JAK1: variants seen among roughly 807,000 people sequenced by gnomAD.
The protein encoded by JAK1 is tyrosine-protein kinase JAK1.
Under a neutral mutation model 136.6 loss-of-function variants are expected in JAK1, and 16 were observed. That is an observed-to-expected ratio of 0.12 (90% CI 0.08 to 0.18). The LOEUF is 0.18. Ranked by LOEUF, JAK1 falls within the 10% of genes least tolerant of loss-of-function variation. The pLI is 1.00. For synonymous variants in JAK1, 492 were observed against 519.5 expected (o/e 0.95, Z 0.72); for missense variants, 859 against 1,450.1 (o/e 0.59, Z 6.62).
chr1:64,843,919 G>T, intron 17 of JAK1, 145 bp downstream of exon 17: 2 of 807,112 alleles, frequency 2.5e-6, no homozygotes, highest in Non-Finnish European at 3.9e-6. Context: ...TTACATTTGT[G>T]AGGTCACACA....
chr1:64,928,847 ATATAT>A (rs1645639438), intron 1 of JAK1, among the ~76,000 whole-genome samples: 1 of 146,646 alleles, frequency 6.8e-6, no homozygotes, highest in African/African-American at 2.5e-5. Flanking sequence ...TTTTAAGGTA[ATATAT>A]TAATGATTTT....
At position 64,880,688 on chromosome 1, in the gene JAK1, G is replaced by A. The variant is rs542037712; in HGVS notation, c.206-1540C>T. ...AGACTCTAAATTTATTATCTTGGCC[G>A]GGCAAAGTGGCTCAGGCCTATAATA... On this transcript the variant is annotated intron_variant, in intron 3 of 24. Coordinates refer to ENST00000342505, the MANE Select transcript of JAK1 (RefSeq NM_002227.4). Among the ~76,000 whole-genome samples the A allele has an allele frequency of 4.9e-4, 74 of 152,228 alleles. 1 individual carries two copies. The highest frequency in any genetic ancestry group is 1.7e-3 in the African/African-American group (69 of 41,530).
chr1:65,033,669 C>T lies in JAK1; in HGVS notation c.-78+10811G>A, dbSNP rs1345602074. Among the ~76,000 whole-genome samples, 3 of 148,044 alleles carry T rather than the reference C, an allele frequency of 2.0e-5. No homozygotes were observed. The South Asian group carries it at 6.4e-4, about 32-fold the overall frequency. On this transcript the variant is annotated intron_variant, in intron 2 of 25. Transcript: ENST00000671954. Reference sequence around the variant, plus strand: ...TTGGGAGGCCGAGGCAGGAGGACTGCTTGAGGCCAGGAGTTTGAGATCAGC... The same window carrying T: ...TTGGGAGGCCGAGGCAGGAGGACTGTTTGAGGCCAGGAGTTTGAGATCAGC...
At chr1:64,906,186 T>C (rs367795303) in intron 1 of JAK1, among the ~76,000 whole-genome samples, 2 of 151,976 alleles carry the variant, frequency 1.3e-5, no homozygotes, top group East Asian at 3.9e-4. Flanking sequence ...CCCAGTTACT[T>C]GGGAGGCTGA....
At position 64,913,686 on chromosome 1, in the gene JAK1, A is replaced by AGGAAGGAAGGAAGGAG. The variant is rs1557686619; in HGVS notation, c.-77-27346_-77-27345insCTCCTTCCTTCCTTCC. 4.9e-3 allele frequency among the ~76,000 whole-genome samples: 143 copies of AGGAAGGAAGGAAGGAG among 28,910 alleles called. 2 individuals carry two copies. The highest frequency in any genetic ancestry group is 0.014 in the African/African-American group (132 of 9,554). The allele number at this position is 28,910 out of a possible 152,430, so 19.0% of individuals were successfully genotyped here. A position where few individuals can be genotyped will look rare whatever the true frequency, so the allele number is the denominator to read the frequency against. ...AAGGAAGGAAGGAAGGAAGGAAGGA[A>AGGAAGGAAGGAAGGAG]GGAAGGAAGGAAGGAAAGAAGGGAG... On this transcript the variant is annotated intron_variant, in intron 1 of 24. Coordinates refer to ENST00000342505, the MANE Select transcript of JAK1 (RefSeq NM_002227.4).
At chr1:64,919,169 C>A (rs1156952297) in intron 1 of JAK1, among the ~76,000 whole-genome samples, 5 of 152,122 alleles carry the variant, frequency 3.3e-5, no homozygotes, top group Non-Finnish European at 5.9e-5. Context: ...CTCCCCACTT[C>A]CCCCACCCCA....
At chr1:64,866,214 G>C (rs2780886) in intron 7 of JAK1, among the ~76,000 whole-genome samples, 4 of 152,002 alleles carry the variant, frequency 2.6e-5, no homozygotes, top group Admixed American at 2.6e-4. Flanking sequence ...ATTTAACAGA[G>C]GAGTAATTTT....
intron 1 of JAK1, among the ~76,000 whole-genome samples, chr1:64,912,718 A>T (rs1450890521): frequency 6.6e-6 from 1 of 152,216 alleles, no homozygotes; most frequent in East Asian, 1.9e-4. Flanking sequence ...GCGGCAGAAC[A>T]ACAAAAAAAG....
intron 2 of JAK1, among the ~76,000 whole-genome samples, chr1:64,995,945 T>G (rs1248345968): frequency 6.6e-6 from 1 of 152,116 alleles, no homozygotes; most frequent in Non-Finnish European, 1.5e-5. Context: ...TGCCATATTG[T>G]CTAGGCTGGC....
chr1:64,918,236 C>CT (rs1645433373), intron 1 of JAK1, among the ~76,000 whole-genome samples: 1 of 152,196 alleles, frequency 6.6e-6, no homozygotes, highest in Admixed American at 6.5e-5. Context: ...TTTTCTCTAA[C>CT]TATACACATA....
intron 7 of JAK1, among the ~76,000 whole-genome samples, chr1:64,866,622 C>T (rs1488397902): frequency 6.6e-6 from 1 of 152,174 alleles, no homozygotes; most frequent in Admixed American, 6.5e-5. Context: ...CAGGAACTAT[C>T]TGCTATTATT....
At chr1:64,861,769 C>G (rs751650603) in intron 8 of JAK1, among the ~76,000 whole-genome samples, 1 of 152,002 alleles carries the variant, frequency 6.6e-6, no homozygotes, top group African/African-American at 2.4e-5. Flanking sequence ...AGGAAGGAGG[C>G]CTGGAGAGGG....
chr1:64,842,515 G>A (rs1342465771), intron 17 of JAK1, among the ~76,000 whole-genome samples: 2 of 152,160 alleles, frequency 1.3e-5, no homozygotes, highest in African/African-American at 4.8e-5. Flanking sequence ...TGGAATTAAG[G>A]AGCTGAGAAT....
In JAK1 at chr1:64,973,332, AGGGAG is replaced by A. The variant is rs1219957162; in HGVS notation, c.-78+71143_-78+71147del. On this transcript the variant is annotated intron_variant, in intron 2 of 25. Coordinates refer to the JAK1 transcript ENST00000671954. ...GAGAAAGGAAGGAAGGGAGGGAAGG[AGGGAG>A]GGGAGGGGAAGGGAAGGGAAAGGAA... Among the ~76,000 whole-genome samples, 6 of 129,468 alleles carry A rather than the reference AGGGAG, an allele frequency of 4.6e-5. No individual in the cohort carries two copies. In the East Asian group the frequency reaches 1.6e-3, roughly 35 times the overall value. The allele number at this position is 129,468 out of a possible 152,430, so 84.9% of individuals were successfully genotyped here. A position where few individuals can be genotyped will look rare whatever the true frequency, so the allele number is the denominator to read the frequency against.
chr1:64,956,788 T>C (rs1569725862), intron 1 of JAK1, among the ~76,000 whole-genome samples: 1 of 152,072 alleles, frequency 6.6e-6, no homozygotes, highest in Admixed American at 6.6e-5. Context: ...CAGGCAAAAG[T>C]GGGTCATCTG....
At position 64,845,588 on chromosome 1, in the gene JAK1, G is replaced by A. The variant is rs778316356; in HGVS notation, c.2040C>T (p.His680=). ...GTGTGGTAAGGACATCGCTTTTCCG[G>A]TGCATGAAGAGATCCAGAGGACCCC... ...VEGGPLDLFM[H]RKSDVLTTPW... The change falls in exon 15 of 25, where the codon CAC becomes CAT. Residue 680 remains histidine (H), a synonymous_variant. Transcript: ENST00000342505. 3.5e-5 allele frequency: 56 copies of A among 1,613,990 alleles called. No homozygotes were observed. Among genetic ancestry groups the A allele is most frequent in the Non-Finnish European group, 4.2e-5 (50 of 1,179,996 alleles).
intron 3 of JAK1, among the ~76,000 whole-genome samples, chr1:64,880,698 G>C (rs940894244): frequency 2.0e-5 from 3 of 152,164 alleles, no homozygotes; most frequent in Non-Finnish European, 4.4e-5. Flanking sequence ...GGGCAAAGTG[G>C]CTCAGGCCTA....
intron 2 of JAK1, among the ~76,000 whole-genome samples, chr1:65,014,962 GGC>G (rs1646881162): frequency 6.6e-6 from 1 of 152,124 alleles, no homozygotes; most frequent in Non-Finnish European, 1.5e-5. Context: ...TGGGATTACA[GGC>G]TTGAGCCACC....
At position 64,984,880 on chromosome 1, in the gene JAK1, C is replaced by T. The variant is rs1008227919; in HGVS notation, c.-78+59600G>A. 19 of 1,188,620 alleles carry T rather than the reference C, an allele frequency of 1.6e-5. No individual in the cohort carries two copies. Among genetic ancestry groups the T allele is most frequent in the East Asian group, 4.7e-5 (2 of 42,628 alleles). The allele number at this position is 1,188,620 out of a possible 1,614,324, so 73.6% of individuals were successfully genotyped here. A position where few individuals can be genotyped will look rare whatever the true frequency, so the allele number is the denominator to read the frequency against. ...AAGTTGGAGGTCCAGGTGGAGCAGC[C>T]GGCCACTGCCATCACAGCTGGGCCA... is the stretch of plus-strand genomic sequence containing the variant. On this transcript the variant is annotated intron_variant, in intron 2 of 25. Transcript: ENST00000671954. The surrounding 1 kb of genome is among the most constrained non-coding windows in gnomAD (Gnocchi z 4.1).
Sources: gnomAD v4.1 joint callset for allele counts (sites outside exome capture counted in the v4.1 genomes callset) on GRCh38, gnomAD v4.1.1 for gene constraint, Gnocchi (gnomAD v3.1) non-coding constraint, MANE v1.5 for transcripts, NCBI Gene and HGNC (gene_info 2026-07-23, HGNC 2026-07-21) for gene names.